The following DYNLRB1 variants were observed in gnomAD, a reference collection of about 807,000 sequenced individuals.
DYNLRB1 encodes the protein dynein light chain roadblock-type 1, also known as ROBL/LC7-like 1.
DYNLRB1 carries 6 observed loss-of-function variants against 13.5 expected under a neutral mutation model. The ratio of observed to expected loss-of-function variants is 0.44; its 90% CI spans 0.24 to 0.88. The LOEUF is 0.88. DYNLRB1 is among the 40% of genes least tolerant of loss of function. The pLI, the probability that DYNLRB1 is intolerant of heterozygous loss-of-function variation, is 0.21. For missense variants in DYNLRB1, 93 were observed against 127.2 expected (o/e 0.73, Z 1.29); for synonymous variants, 43 against 45.0 (o/e 0.96, Z 0.18).
chr20:34,523,581 G>A (rs770050337), intron 1 of DYNLRB1, among the ~76,000 whole-genome samples: 15 of 152,178 alleles, frequency 9.9e-5, no homozygotes, highest in Non-Finnish European at 1.0e-4. Flanking sequence ...CCCAGAAACC[G>A]GCATGGCTAA....
chr20:34,531,489 C>T (rs371540087), intron 2 of DYNLRB1, among the ~76,000 whole-genome samples: 1 of 152,226 alleles, frequency 6.6e-6, no homozygotes, highest in South Asian at 2.1e-4. Flanking sequence ...GTCCTTGGCC[C>T]TGTACTTCCA....
chr20:34,533,962 C>T (rs372081354), intron 2 of DYNLRB1, among the ~76,000 whole-genome samples: 1 of 152,106 alleles, frequency 6.6e-6, no homozygotes, highest in Admixed American at 6.6e-5. Flanking sequence ...CATGGTGAAA[C>T]CTTGTCTCTA....
intron 1 of DYNLRB1, among the ~76,000 whole-genome samples, chr20:34,523,833 T>G (rs1484659672): frequency 6.6e-6 from 1 of 152,240 alleles, no homozygotes; most frequent in Non-Finnish European, 1.5e-5. Context: ...GTCTGGCATA[T>G]GGAAGGTTGC....
intron 1 of DYNLRB1, among the ~76,000 whole-genome samples, chr20:34,518,861 A>C (rs1979484261): frequency 6.6e-6 from 1 of 152,108 alleles, no homozygotes; most frequent in African/African-American, 2.4e-5. Flanking sequence ...TATACTCATA[A>C]AAGCAATGCA....
At chr20:34,525,074 G>A (rs189674698) in intron 1 of DYNLRB1, among the ~76,000 whole-genome samples, 19 of 152,278 alleles carry the variant, frequency 1.2e-4, no homozygotes, top group African/African-American at 3.4e-4. Context: ...TCCAGTGTTC[G>A]AGAGTATTCT....
chr20:34,518,218 T>C (rs1979419206), intron 1 of DYNLRB1, among the ~76,000 whole-genome samples: 1 of 151,974 alleles, frequency 6.6e-6, no homozygotes, highest in Non-Finnish European at 1.5e-5. Context: ...TTCTATTCCA[T>C]TGGTCTGTGT....
chr20:34,533,576 T>C (rs1568602967), intron 2 of DYNLRB1: 1 of 938,998 alleles, frequency 1.1e-6, no homozygotes, highest in East Asian at 1.2e-4. Flanking sequence ...ATCCCAGCAC[T>C]TTGGAAGGCC....
At chr20:34,516,764 C>A in intron 1 of DYNLRB1, 2 of 1,549,926 alleles carry the variant, frequency 1.3e-6, no homozygotes, top group Non-Finnish European at 1.7e-6. Flanking sequence ...GTTTTGGGGC[C>A]TTGGTGCGCG....
chr20:34,521,442 G>A (rs775276294), intron 1 of DYNLRB1, among the ~76,000 whole-genome samples: 2 of 151,410 alleles, frequency 1.3e-5, no homozygotes, highest in African/African-American at 2.4e-5. Context: ...TAGTCATTTT[G>A]TGTTTTTTTT....
chr20:34,524,629 C>A (rs746151334), intron 1 of DYNLRB1, among the ~76,000 whole-genome samples: 3 of 152,116 alleles, frequency 2.0e-5, no homozygotes, highest in Non-Finnish European at 4.4e-5. Flanking sequence ...CGATCTCATA[C>A]ACGCATGACC....
chr20:34,538,422 G>A (rs1004846543), intron 3 of DYNLRB1, among the ~76,000 whole-genome samples: 5 of 151,950 alleles, frequency 3.3e-5, no homozygotes, highest in Admixed American at 6.6e-5. Flanking sequence ...GGGCAACAGC[G>A]AGACCCAGTC....
intron 1 of DYNLRB1, 157 bp downstream of exon 1, chr20:34,516,618 C>T (rs1313311451): frequency 2.0e-6 from 3 of 1,499,938 alleles, no homozygotes; most frequent in African/African-American, 2.8e-5. Flanking sequence ...GAGGGTGGAA[C>T]CCGGCGGCGG....
chr20:34,529,023 C>T (rs1980489885), intron 2 of DYNLRB1, among the ~76,000 whole-genome samples: 1 of 151,974 alleles, frequency 6.6e-6, no homozygotes, highest in South Asian at 2.1e-4. Flanking sequence ...AGTGTGTAGG[C>T]CCTTCAGTGC....
In DYNLRB1 at chr20:34,535,525, C is replaced by T. The variant is rs903081847; in HGVS notation, c.247+730C>T. On this transcript the variant is annotated intron_variant, in intron 3 of 3. Transcript: ENST00000357156. ...GGGAGCACAGGAGCGAGCAACAGAG[C>T]CACATCTCCTGCCCGGCTCCCTCGC... is the stretch of plus-strand genomic sequence containing the variant. 7 of 740,798 alleles carry T rather than the reference C, an allele frequency of 9.4e-6. No homozygotes were observed. The Admixed American group carries it at 3.8e-4, about 40-fold the overall frequency. The allele number at this position is 740,798 out of a possible 1,614,324, so 45.9% of individuals were successfully genotyped here. A position where few individuals can be genotyped will look rare whatever the true frequency, so the allele number is the denominator to read the frequency against.
upstream of DYNLRB1, chr20:34,516,300 A>C: frequency 8.2e-7 from 1 of 1,222,130 alleles, no homozygotes; most frequent in Non-Finnish European, 1.1e-6. Context: ...ATTTTCCAAG[A>C]ATCCTGGCGG....
chr20:34,517,078 C>T (rs1289066495), intron 1 of DYNLRB1, among the ~76,000 whole-genome samples: 1 of 152,120 alleles, frequency 6.6e-6, no homozygotes, highest in African/African-American at 2.4e-5. Flanking sequence ...TCTTGGGGAT[C>T]CCAAAGCTTG....
At chr20:34,528,643 A>C (rs1349295602) in intron 2 of DYNLRB1, among the ~76,000 whole-genome samples, 1 of 152,172 alleles carries the variant, frequency 6.6e-6, no homozygotes, top group Non-Finnish European at 1.5e-5. Flanking sequence ...TTTTGCAAGC[A>C]TGTTAGATGC....
chr20:34,527,745 T>C (rs1472840746), intron 2 of DYNLRB1, among the ~76,000 whole-genome samples: 1 of 152,224 alleles, frequency 6.6e-6, no homozygotes, highest in Non-Finnish European at 1.5e-5. Flanking sequence ...GGATAGATTC[T>C]AATCAGAAGA....
chr20:34,539,517 A>C (rs987874824), intron 3 of DYNLRB1, among the ~76,000 whole-genome samples: 1 of 151,828 alleles, frequency 6.6e-6, no homozygotes, highest in Non-Finnish European at 1.5e-5. Flanking sequence ...CCATCTGTAC[A>C]AAACTTTTTT....
Sources: allele counts gnomAD v4.1 joint callset (sites outside exome capture counted in the v4.1 genomes callset), GRCh38; gene constraint gnomAD v4.1.1; transcripts MANE v1.5; gene names NCBI Gene and HGNC (gene_info 2026-07-23, HGNC 2026-07-21).